The following IDE variants were observed in gnomAD, a reference collection of about 807,000 sequenced individuals.
IDE encodes the protein insulin-degrading enzyme.
Under a neutral mutation model 133.2 loss-of-function variants are expected in IDE, and 58 were observed. The ratio of observed to expected loss-of-function variants is 0.44; its 90% CI spans 0.35 to 0.54. IDE has a LOEUF of 0.54. Ranked by LOEUF, IDE falls within the 20% of genes least tolerant of loss-of-function variation. The pLI is 0.00. For missense variants in IDE, 981 were observed against 1,234.0 expected (o/e 0.79, Z 3.07); for synonymous variants, 396 against 421.3 (o/e 0.94, Z 0.73).
chr10:92,520,996 C>T (rs1488897367), intron 4 of IDE, among the ~76,000 whole-genome samples: 1 of 152,130 alleles, frequency 6.6e-6, no homozygotes, highest in Non-Finnish European at 1.5e-5. Flanking sequence ...ATTAGTCACC[C>T]TGAAGGATGC....
At chr10:92,483,469 G>A in intron 13 of IDE, 132 bp from the exon 14 acceptor site, 1 of 615,030 alleles carries the variant, frequency 1.6e-6, no homozygotes, top group East Asian at 2.8e-5. Context: ...TGTCCCATGG[G>A]CCTTGAAGCA....
intron 2 of IDE, among the ~76,000 whole-genome samples, chr10:92,536,351 C>T (rs1842001896): frequency 6.7e-6 from 1 of 149,536 alleles, no homozygotes; most frequent in South Asian, 2.1e-4. Flanking sequence ...CCACTGCACT[C>T]CAGCCCGGAC....
In IDE at chr10:92,487,191, A is replaced by G; in HGVS notation, c.1656+5T>C. The stretch of plus-strand genomic sequence containing the variant: ...AATTTAAAATCACTGATTCAAACAC[A>G]TTACCTTAATAAGAGCAGGGTATGG... On this transcript the variant is annotated splice_donor_5th_base_variant and intron_variant, in intron 13 of 24. Transcript: ENST00000265986. The G allele has an allele frequency of 6.2e-7, 1 of 1,608,340 alleles. No homozygotes were observed. Among genetic ancestry groups the G allele is most frequent in the Non-Finnish European group, 8.5e-7 (1 of 1,178,416 alleles).
At position 92,510,059 on chromosome 10, in the gene IDE, T is replaced by G. The variant is rs1301296119; in HGVS notation, c.888A>C (p.Glu296Asp). The G allele has an allele frequency of 1.3e-6, 2 of 1,557,452 alleles. No individual in the cohort carries two copies. Among genetic ancestry groups the G allele is most frequent in the African/African-American group, 1.4e-5 (1 of 73,698 alleles). ...AAATTTATGCACTTACTTTAAGATG[T>G]TCTTCTTGGAAAGGGTGTTCAGGAA... ...PEFPEHPFQE[E>D]HLKQLYKIVP... is the part of the protein sequence containing the mutation. Residue 296 changes from glutamate to aspartate, a missense_variant, in exon 6 of 25, where the codon GAA becomes GAC. This residue lies in a region of IDE where 660 missense variants were observed against 894.7 expected (regional missense o/e 0.74). Transcript: ENST00000265986.
intron 1 of IDE, among the ~76,000 whole-genome samples, chr10:92,544,285 T>C (rs1376674825): frequency 6.6e-6 from 1 of 150,604 alleles, no homozygotes; most frequent in East Asian, 2.0e-4. Flanking sequence ...ATCCTAACAA[T>C]CACTCTCATT....
At chr10:92,547,249 ATTT>A (rs66967152) in intron 1 of IDE, among the ~76,000 whole-genome samples, 2 of 145,706 alleles carry the variant, frequency 1.4e-5, no homozygotes, top group Admixed American at 6.8e-5. Context: ...AATTTTTTGT[ATTT>A]TTTTTTTTTT....
intron 11 of IDE, among the ~76,000 whole-genome samples, chr10:92,493,343 G>T (rs1026437611): frequency 6.6e-6 from 1 of 151,546 alleles, no homozygotes; most frequent in Non-Finnish European, 1.5e-5. Flanking sequence ...CTAAGTAGAA[G>T]AATCTGGCAG....
At chr10:92,526,455 A>C (rs1805120062) in intron 4 of IDE, among the ~76,000 whole-genome samples, 1 of 152,206 alleles carries the variant, frequency 6.6e-6, no homozygotes, top group African/African-American at 2.4e-5. Flanking sequence ...CAGGTATTAT[A>C]CTATTAATAT....
At chr10:92,501,861 G>C (rs1848041443) in intron 11 of IDE, among the ~76,000 whole-genome samples, 1 of 151,954 alleles carries the variant, frequency 6.6e-6, no homozygotes. Context: ...TGTAATCCCA[G>C]CTACTCAGGA....
intron 1 of IDE, among the ~76,000 whole-genome samples, chr10:92,558,209 C>T (rs915345802): frequency 5.3e-5 from 8 of 152,012 alleles, no homozygotes; most frequent in African/African-American, 1.4e-4. Flanking sequence ...CCTGTCACTA[C>T]GCCAGGCTAA....
intron 21 of IDE, among the ~76,000 whole-genome samples, chr10:92,462,774 T>C (rs1845464610): frequency 6.6e-6 from 1 of 152,204 alleles, no homozygotes; most frequent in South Asian, 2.1e-4. Flanking sequence ...TTGGGGATAA[T>C]AACTACTTAA....
At chr10:92,462,916 G>T (rs1845474379) in intron 21 of IDE, among the ~76,000 whole-genome samples, 1 of 151,932 alleles carries the variant, frequency 6.6e-6, no homozygotes, top group Non-Finnish European at 1.5e-5. Flanking sequence ...TTATAAGTAG[G>T]CTGGACGTGG....
intron 22 of IDE, among the ~76,000 whole-genome samples, chr10:92,458,374 T>A (rs972043005): frequency 1.3e-5 from 2 of 152,122 alleles, no homozygotes; most frequent in African/African-American, 4.8e-5. Context: ...CCCAAACTTG[T>A]ATGGTCATGA....
chr10:92,507,568 A>G lies in IDE; in HGVS notation c.1245+7T>C, dbSNP rs1455371436. The G allele has an allele frequency of 1.3e-6, 2 of 1,541,546 alleles. No homozygotes were observed. The highest frequency in any genetic ancestry group is 2.2e-5 in the East Asian group (1 of 44,528). On this transcript the variant is annotated splice_region_variant and intron_variant, in intron 9 of 24. Coordinates refer to ENST00000265986, the MANE Select transcript of IDE (RefSeq NM_004969.4). ...CCTTAAGAAAAATTTTGGTGAAACAAAAGTACCTTGCACTCTTGGAAAACC... is the reference window on the plus strand; with the variant it reads ...CCTTAAGAAAAATTTTGGTGAAACAGAAGTACCTTGCACTCTTGGAAAACC...
At chr10:92,499,708 G>T (rs115368500) in intron 11 of IDE, among the ~76,000 whole-genome samples, 5,364 of 152,220 alleles carry the variant, frequency 0.035, 359 homozygotes, top group African/African-American at 0.12. Flanking sequence ...TGGCATTATG[G>T]GTGTGAACCA....
chr10:92,481,363 G>A (rs1301312680), intron 14 of IDE, among the ~76,000 whole-genome samples: 1 of 152,152 alleles, frequency 6.6e-6, no homozygotes, highest in Non-Finnish European at 1.5e-5. Context: ...GATCACTTGA[G>A]CCCAAGAATT....
chr10:92,476,084 C>T, intron 15 of IDE, 90 bp from the exon 16 acceptor site: 1 of 654,806 alleles, frequency 1.5e-6, no homozygotes, highest in South Asian at 1.9e-5. Context: ...TGTAGAAAAT[C>T]CCAAAACAGA....
intron 11 of IDE, among the ~76,000 whole-genome samples, chr10:92,496,190 A>G (rs1227295870): frequency 6.6e-6 from 1 of 152,166 alleles, no homozygotes; most frequent in Non-Finnish European, 1.5e-5. Context: ...TGTTTCTTAA[A>G]GTAAGAAAAA....
intron 1 of IDE, chr10:92,573,165 GT>G: frequency 1.0e-6 from 1 of 985,422 alleles, no homozygotes; most frequent in Non-Finnish European, 1.2e-6. Context: ...AACGCCTAGC[GT>G]ACGCAGATCA....
Sources: gnomAD v4.1 joint callset for allele counts (sites outside exome capture counted in the v4.1 genomes callset) on GRCh38, gnomAD v4.1.1 for gene constraint, gnomAD v4.1.1 regional missense constraint, MANE v1.5 for transcripts, NCBI Gene and HGNC (gene_info 2026-07-23, HGNC 2026-07-21) for gene names.